Variants in DLG2 observed in about 807,000 individuals in gnomAD.
DLG2 encodes discs large MAGUK scaffold protein 2.
In DLG2, 45 loss-of-function variants were observed where a neutral mutation model predicts 132.5. The ratio of observed to expected loss-of-function variants is 0.34; its 90% confidence interval spans 0.27 to 0.44. The LOEUF is 0.44. Among genes scored for constraint, DLG2 ranks in the 20% least tolerant of loss-of-function variants. DLG2 has a pLI of 1.00. For synonymous variants in DLG2, 424 were observed against 419.6 expected (o/e 1.01, Z -0.13); for missense variants, 1,045 against 1,196.9 (o/e 0.87, Z 1.87).
intron 21 of DLG2, among the ~76,000 whole-genome samples, chr11:83,531,224 CCA>C (rs1372420780): frequency 1.3e-5 from 2 of 151,922 alleles, no homozygotes. Flanking sequence ...TGAAGACAAC[CCA>C]CAGAGTGGGA....
intron 11 of DLG2, among the ~76,000 whole-genome samples, chr11:84,038,083 T>A (rs543221398): frequency 2.0e-5 from 3 of 152,064 alleles, no homozygotes; most frequent in South Asian, 2.1e-4. Context: ...TTAAGCATAG[T>A]GCCCATTAGT....
intron 9 of DLG2, among the ~76,000 whole-genome samples, chr11:84,132,966 A>T (rs2094472507): frequency 6.6e-6 from 1 of 152,106 alleles, no homozygotes; most frequent in Non-Finnish European, 1.5e-5. Flanking sequence ...AAGTAAGCAA[A>T]CAACCAGAAT....
chr11:84,720,560 A>C (rs1596476838), intron 6 of DLG2: 1 of 869,244 alleles, frequency 1.2e-6, no homozygotes, highest in Non-Finnish European at 1.4e-6. Flanking sequence ...GCGGGCAAGT[A>C]CCGAGCCTCT....
At chr11:85,079,365 T>C (rs2066944428) in intron 6 of DLG2, among the ~76,000 whole-genome samples, 1 of 152,008 alleles carries the variant, frequency 6.6e-6, no homozygotes, top group Non-Finnish European at 1.5e-5. Context: ...AGGAGGAGGA[T>C]ATAATGGGGC....
At chr11:84,504,455 G>C (rs1591066726) in intron 7 of DLG2, among the ~76,000 whole-genome samples, 1 of 152,064 alleles carries the variant, frequency 6.6e-6, no homozygotes, top group Admixed American at 6.5e-5. Flanking sequence ...GTTACCACTA[G>C]ATATTTTAGT....
chr11:83,783,818 C>A (rs1172051141), intron 18 of DLG2, among the ~76,000 whole-genome samples: 6 of 152,186 alleles, frequency 3.9e-5, no homozygotes, highest in Middle Eastern at 3.4e-3. Context: ...CTGTCCTGAC[C>A]CCTTCAGGCT....
intron 8 of DLG2, among the ~76,000 whole-genome samples, chr11:84,183,883 T>C (rs989795659): frequency 2.0e-5 from 3 of 152,220 alleles, no homozygotes; most frequent in African/African-American, 7.2e-5. Flanking sequence ...GCTTCATCCA[T>C]GTCCCTACAC....
At chr11:85,196,908 A>C (rs1474074091) in intron 4 of DLG2, among the ~76,000 whole-genome samples, 2 of 152,222 alleles carry the variant, frequency 1.3e-5, no homozygotes, top group East Asian at 1.9e-4. Flanking sequence ...AATTAAGTGT[A>C]AACACCCTTT....
chr11:84,452,595 G>C (rs1441114331), intron 7 of DLG2, among the ~76,000 whole-genome samples: 2 of 151,714 alleles, frequency 1.3e-5, no homozygotes, highest in Non-Finnish European at 2.9e-5. Flanking sequence ...TCTGGACATA[G>C]TTTGAAGGTA....
At chr11:85,011,866 C>T (rs923291051) in intron 6 of DLG2, among the ~76,000 whole-genome samples, 1 of 152,108 alleles carries the variant, frequency 6.6e-6, no homozygotes, top group African/African-American at 2.4e-5. Context: ...AAGAATATAT[C>T]ATGTATTACC....
At chr11:85,278,606 A>G (rs1351841766) in intron 4 of DLG2, among the ~76,000 whole-genome samples, 5 of 151,342 alleles carry the variant, frequency 3.3e-5, no homozygotes, top group African/African-American at 1.2e-4. Flanking sequence ...GCCTCAAAGA[A>G]AAAAAAAAGA....
At chr11:83,887,552 C>A (rs1229953383) in intron 15 of DLG2, among the ~76,000 whole-genome samples, 1 of 152,108 alleles carries the variant, frequency 6.6e-6, no homozygotes, top group Admixed American at 6.5e-5. Flanking sequence ...CCTTGTGAAA[C>A]TATTCCAATC....
chr11:85,511,724 C>CTTT (rs35942548), intron 3 of DLG2, among the ~76,000 whole-genome samples: 61 of 146,506 alleles, frequency 4.2e-4, no homozygotes, highest in African/African-American at 1.5e-3. Flanking sequence ...TTTGAAGTTT[C>CTTT]TTTTTTTTTT....
chr11:83,689,960 TAA>T (rs1333329537), intron 18 of DLG2, among the ~76,000 whole-genome samples: 11 of 132,418 alleles, frequency 8.3e-5, no homozygotes, highest in Non-Finnish European at 1.3e-4. Context: ...TATATTTATA[TAA>T]TATATATTTA....
chr11:85,424,578 G>C (rs894077580), intron 3 of DLG2, among the ~76,000 whole-genome samples: 1 of 152,166 alleles, frequency 6.6e-6, no homozygotes, highest in Non-Finnish European at 1.5e-5. Context: ...TTTTTCTTAT[G>C]TGAGGCTGAA....
intron 6 of DLG2, among the ~76,000 whole-genome samples, chr11:84,725,386 T>C (rs2062316745): frequency 6.6e-6 from 1 of 152,152 alleles, no homozygotes; most frequent in African/African-American, 2.4e-5. Context: ...ATTTCAACCT[T>C]TAAATCCCTT....
chr11:85,084,132 T>C (rs1007072074), intron 6 of DLG2, among the ~76,000 whole-genome samples: 2 of 152,150 alleles, frequency 1.3e-5, no homozygotes, highest in Non-Finnish European at 2.9e-5. Context: ...GATAAAGTGA[T>C]TTTTAAAATA....
intron 18 of DLG2, among the ~76,000 whole-genome samples, chr11:83,752,283 A>G (rs528317543): frequency 1.3e-5 from 2 of 152,208 alleles, no homozygotes; most frequent in African/African-American, 2.4e-5. Context: ...AAAAAAAAAA[A>G]AAAGAGGAAT....
At chr11:84,505,686 C>A (rs966974191) in intron 7 of DLG2, among the ~76,000 whole-genome samples, 2 of 151,978 alleles carry the variant, frequency 1.3e-5, no homozygotes, top group African/African-American at 4.8e-5. Flanking sequence ...AAATGGTAAT[C>A]ATTATTACCA....
Sources: allele counts gnomAD v4.1 joint callset (sites outside exome capture counted in the v4.1 genomes callset), GRCh38; gene constraint gnomAD v4.1.1; transcripts MANE v1.5; gene names NCBI Gene and HGNC (gene_info 2026-07-23, HGNC 2026-07-21).